The following ADGRL2 variants were observed in gnomAD, a reference collection of about 807,000 sequenced individuals.
ADGRL2 encodes the protein calcium-independent alpha-latrotoxin receptor 2.
ADGRL2 carries 44 observed loss-of-function variants against 157.4 expected under a neutral mutation model. The observed-to-expected ratio is 0.28, with a 90% CI of 0.22 to 0.36. The LOEUF (loss-of-function observed/expected upper bound fraction) is 0.36. Ranked by LOEUF, ADGRL2 falls within the 10% of genes least tolerant of loss-of-function variation. The probability of loss-of-function intolerance (pLI) is 1.00; values close to 1 mark genes in which losing one functional copy is unlikely to be tolerated. For synonymous variants in ADGRL2, 585 were observed against 624.7 expected, an observed-to-expected ratio of 0.94 and a Z score of 0.95; for missense variants, 1,510 against 1,768.9, an observed-to-expected ratio of 0.85 and a Z score of 2.63.
intron 1 of ADGRL2, among the ~76,000 whole-genome samples, chr1:81,328,472 T>G (rs994682528): frequency 3.9e-5 from 6 of 152,124 alleles, no homozygotes; most frequent in African/African-American, 1.4e-4. Flanking sequence ...AATATAAGCC[T>G]CAGTACTAGG....
At chr1:81,941,923 A>G (rs1648134683) in intron 4 of ADGRL2, 111 bp from the exon 5 acceptor site, 2 of 581,562 alleles carry the variant, frequency 3.4e-6, no homozygotes, top group Non-Finnish European at 6.2e-6. Flanking sequence ...TTCTTCCTAT[A>G]TTTAGCATCT....
intron 1 of ADGRL2, among the ~76,000 whole-genome samples, chr1:81,833,912 C>CA (rs1045839178): frequency 6.6e-6 from 1 of 151,184 alleles, no homozygotes; most frequent in African/African-American, 2.4e-5. Flanking sequence ...ATACTTAGAT[C>CA]AAAAAAAATG....
intron 2 of ADGRL2, among the ~76,000 whole-genome samples, chr1:81,791,240 A>G (rs1299909459): frequency 6.6e-6 from 1 of 152,206 alleles, no homozygotes; most frequent in Non-Finnish European, 1.5e-5. Flanking sequence ...TATCTCCCCA[A>G]GAGTCATGAG....
At chr1:81,763,046 TA>T (rs748864220) in intron 2 of ADGRL2, among the ~76,000 whole-genome samples, 13,545 of 73,478 alleles carry the variant, frequency 0.18, 700 homozygotes, top group South Asian at 0.27. Context: ...AGACTCCGTC[TA>T]AAAAAAAAAA....
intron 1 of ADGRL2, among the ~76,000 whole-genome samples, chr1:81,325,805 T>C (rs1557598429): frequency 6.6e-6 from 1 of 152,168 alleles, no homozygotes; most frequent in South Asian, 2.1e-4. Context: ...TGAGATGATA[T>C]TCAACTCAGT....
At chr1:81,325,487 T>A (rs1291123334) in intron 1 of ADGRL2, among the ~76,000 whole-genome samples, 1 of 152,200 alleles carries the variant, frequency 6.6e-6, no homozygotes, top group African/African-American at 2.4e-5. Context: ...AATTGTTGAT[T>A]GCTACTGGGC....
intron 1 of ADGRL2, among the ~76,000 whole-genome samples, chr1:81,441,719 T>A (rs1236727896): frequency 6.6e-6 from 1 of 152,176 alleles, no homozygotes; most frequent in African/African-American, 2.4e-5. Flanking sequence ...CTTGTATTTT[T>A]AGTAGAGACG....
chr1:81,880,440 A>G (rs1235080402), intron 2 of ADGRL2, among the ~76,000 whole-genome samples: 1 of 152,160 alleles, frequency 6.6e-6, no homozygotes, highest in African/African-American at 2.4e-5. Flanking sequence ...TTAGCTTAAC[A>G]AGGTTCAGGT....
At chr1:81,356,333 A>T (rs1307423804) in intron 1 of ADGRL2, among the ~76,000 whole-genome samples, 1 of 152,194 alleles carries the variant, frequency 6.6e-6, no homozygotes, top group East Asian at 1.9e-4. Flanking sequence ...AATTCACATA[A>T]AAAAGATGTG....
Position 81,861,479 on chromosome 1 carries a change from A to G in ADGRL2, c.73+24422A>G, listed in dbSNP as rs149141403. Among the ~76,000 whole-genome samples, 509 of 152,346 alleles carry G rather than the reference A, an allele frequency of 3.3e-3. 4 individuals are homozygous for G. The highest frequency in any genetic ancestry group is 0.012 in the African/African-American group (481 of 41,584). On this transcript the variant is annotated intron_variant, in intron 2 of 23. Coordinates refer to ENST00000686636, the MANE Select transcript of ADGRL2 (RefSeq NM_001366006.2). ...TATCATGGCAGGTTCCATATGTTCC[A>G]TATGTTTGACTAAAGGTGTTACCGT...
At chr1:81,526,191 T>C (rs1006794826) in intron 2 of ADGRL2, among the ~76,000 whole-genome samples, 38 of 152,244 alleles carry the variant, frequency 2.5e-4, no homozygotes, top group South Asian at 1.4e-3. Context: ...TCATTTAATA[T>C]TTGCCTGTTT....
chr1:81,469,128 TCTTTCAGAAATTCTAAGACTTG>T (rs1296470930), intron 2 of ADGRL2, among the ~76,000 whole-genome samples: 2 of 152,326 alleles, frequency 1.3e-5, no homozygotes, highest in East Asian at 3.9e-4. Flanking sequence ...CACCTGAGAA[TCTTTCAGAAATTCTAAGACTTG>T]GCTTCTGCCC....
chr1:81,911,183 A>G (rs982102485), intron 3 of ADGRL2, among the ~76,000 whole-genome samples: 4 of 152,144 alleles, frequency 2.6e-5, no homozygotes, highest in Admixed American at 2.6e-4. Context: ...GTAGTAACTG[A>G]TTATAGTATA....
At chr1:81,487,752 A>G (rs903025053) in intron 2 of ADGRL2, among the ~76,000 whole-genome samples, 1 of 152,170 alleles carries the variant, frequency 6.6e-6, no homozygotes, top group African/African-American at 2.4e-5. Flanking sequence ...ATATATAACC[A>G]TGTTAAGGTT....
At chr1:81,538,833 T>C (rs1292227832) in intron 2 of ADGRL2, among the ~76,000 whole-genome samples, 1 of 151,870 alleles carries the variant, frequency 6.6e-6, no homozygotes, top group Non-Finnish European at 1.5e-5. Flanking sequence ...GACAAAAACC[T>C]GCCTCTACCA....
chr1:81,892,413 C>A (rs2094290481), intron 2 of ADGRL2, among the ~76,000 whole-genome samples: 1 of 152,116 alleles, frequency 6.6e-6, no homozygotes, highest in Non-Finnish European at 1.5e-5. Context: ...ATTTCCCCAC[C>A]CACCACACTC....
chr1:81,898,211 C>A (rs1218947949), intron 2 of ADGRL2, among the ~76,000 whole-genome samples: 1 of 152,140 alleles, frequency 6.6e-6, no homozygotes, highest in African/African-American at 2.4e-5. Flanking sequence ...GTTATATGAT[C>A]TTAAATTGTT....
chr1:81,987,427 T>C (rs1416782368), intron 22 of ADGRL2: 1 of 844,678 alleles, frequency 1.2e-6, no homozygotes, highest in Admixed American at 1.7e-5. Flanking sequence ...CTAATGAAGA[T>C]AATTTGGATG....
At chr1:81,740,581 T>C (rs2085041882) in intron 1 of ADGRL2, among the ~76,000 whole-genome samples, 2 of 152,190 alleles carry the variant, frequency 1.3e-5, no homozygotes, top group African/African-American at 4.8e-5. Flanking sequence ...ACGTGGTTAT[T>C]CAGACACAGA....
Sources: allele counts gnomAD v4.1 joint callset (sites outside exome capture counted in the v4.1 genomes callset), GRCh38; gene constraint gnomAD v4.1.1; transcripts MANE v1.5; gene names NCBI Gene and HGNC (gene_info 2026-07-23, HGNC 2026-07-21).